The following SGCZ variants were observed in gnomAD, a reference collection of about 807,000 sequenced individuals.
The protein encoded by SGCZ is sarcoglycan zeta, also known as zeta-sarcoglycan.
Under a neutral mutation model 41.3 loss-of-function variants are expected in SGCZ, and 40 were observed. The ratio of observed to expected loss-of-function variants is 0.97; its 90% CI spans 0.75 to 1.26. The LOEUF is 1.26. Among genes scored for constraint, SGCZ ranks in the 50% most tolerant of loss-of-function variants. SGCZ has a pLI of 0.00. For synonymous variants in SGCZ, 206 were observed against 137.5 expected, an observed-to-expected ratio of 1.50 and a Z score of -3.49; for missense variants, 552 against 369.8, an observed-to-expected ratio of 1.49 and a Z score of -4.04.
Position 14,927,528 on chromosome 8 carries a change from G to C in SGCZ, c.39+310057C>G, listed in dbSNP as rs117084191. On this transcript the variant is annotated intron_variant, in intron 1 of 7. Transcript: ENST00000382080. ...GGTAGAGAAATAAGAAGAAGAGCAAGAAGAAGGAAGAGGAAGAAAGAAGAG... is the reference window on the plus strand; with the variant it reads ...GGTAGAGAAATAAGAAGAAGAGCAACAAGAAGGAAGAGGAAGAAAGAAGAG... 1.2e-3 allele frequency among the ~76,000 whole-genome samples: 173 copies of C among 138,446 alleles called. 3 individuals carry two copies. In the East Asian group the frequency reaches 0.031, roughly 25 times the overall value. 90.8% of individuals were successfully genotyped at this position (138,446 alleles called of 152,430 possible). A position where few individuals can be genotyped will look rare whatever the true frequency, so the allele number is the denominator to read the frequency against.
At chr8:14,440,444 T>C (rs908696699) in intron 2 of SGCZ, among the ~76,000 whole-genome samples, 1 of 152,146 alleles carries the variant, frequency 6.6e-6, no homozygotes, top group Non-Finnish European at 1.5e-5. Flanking sequence ...CCTGGGTTTG[T>C]TGGCCAGAAC....
chr8:14,940,750 T>C (rs1283792574), intron 1 of SGCZ, among the ~76,000 whole-genome samples: 1 of 151,744 alleles, frequency 6.6e-6, no homozygotes, highest in Non-Finnish European at 1.5e-5. Context: ...GAAGTGTGTA[T>C]GTGTGTGTGT....
rs116210185 is a variant in SGCZ at position 14,619,106 on chromosome 8, G to T, written c.40-64180C>A. The stretch of plus-strand genomic sequence containing the variant: ...TACCTGACACTGAGTAATTTATAAA[G>T]AAATCCCTGGGATGCAAGGCTGGTT... On this transcript the variant is annotated intron_variant, in intron 1 of 7. Transcript: ENST00000382080. Among the ~76,000 whole-genome samples the T allele has an allele frequency of 8.9e-3, 1,348 of 151,962 alleles. 20 individuals carry two copies. Among genetic ancestry groups the T allele is most frequent in the African/African-American group, 0.031 (1,274 of 41,494 alleles).
At chr8:14,525,633 CAT>C (rs1473311347) in intron 2 of SGCZ, among the ~76,000 whole-genome samples, 15 of 152,066 alleles carry the variant, frequency 9.9e-5, no homozygotes, top group African/African-American at 3.1e-4. Context: ...GACCTAGTCA[CAT>C]CAAATAAAAG....
At chr8:14,618,366 A>G (rs975941306) in intron 1 of SGCZ, among the ~76,000 whole-genome samples, 2 of 152,184 alleles carry the variant, frequency 1.3e-5, no homozygotes, top group Non-Finnish European at 2.9e-5. Context: ...GAACGGAATT[A>G]GAACTGGGAC....
At chr8:15,020,963 T>C (rs1247290915) in intron 1 of SGCZ, among the ~76,000 whole-genome samples, 1 of 152,210 alleles carries the variant, frequency 6.6e-6, no homozygotes, top group African/African-American at 2.4e-5. Context: ...AAATGCTTGG[T>C]CTCTTGAAAT....
In SGCZ at chr8:14,237,225, T is replaced by C. The variant is rs184789332; in HGVS notation, c.424+367A>G. On this transcript the variant is annotated intron_variant, in intron 4 of 7. Coordinates refer to ENST00000382080, the MANE Select transcript of SGCZ (RefSeq NM_139167.4). ...CCAGCAAAATAAATGTAATTCAATCTCAAAATAATACATTGGCAAGAGTAA... is the reference window on the plus strand; with the variant it reads ...CCAGCAAAATAAATGTAATTCAATCCCAAAATAATACATTGGCAAGAGTAA... Among the ~76,000 whole-genome samples, 3 of 152,198 alleles carry C rather than the reference T, an allele frequency of 2.0e-5. No homozygotes were observed. In the East Asian group the frequency reaches 5.8e-4, roughly 29 times the overall value.
At chr8:14,542,581 C>G (rs1803503133) in intron 2 of SGCZ, among the ~76,000 whole-genome samples, 1 of 152,080 alleles carries the variant, frequency 6.6e-6, no homozygotes, top group African/African-American at 2.4e-5. Context: ...TACACAGATT[C>G]TATTTCCTAT....
In SGCZ at chr8:14,496,232, AT is replaced by A. The variant is rs575773391; in HGVS notation, c.234+58499del. ...AGGTGCACAACATCATGCCTGGCTA[AT>A]TTTTAAATTTTTTTTTGGAGAGACA... is the stretch of plus-strand genomic sequence containing the variant. On this transcript the variant is annotated intron_variant, in intron 2 of 7. Transcript: ENST00000382080. Among the ~76,000 whole-genome samples, 47 of 114,392 alleles carry A rather than the reference AT, an allele frequency of 4.1e-4. 1 individual carries two copies. In the South Asian group the frequency reaches 0.012, roughly 30 times the overall value. 75.0% of individuals were successfully genotyped at this position (114,392 alleles called of 152,430 possible).
chr8:14,407,768 C>T (rs1799251193), intron 2 of SGCZ, among the ~76,000 whole-genome samples: 1 of 151,942 alleles, frequency 6.6e-6, no homozygotes. Context: ...GCATTTTTTC[C>T]TATGCATGTA....
intron 1 of SGCZ, among the ~76,000 whole-genome samples, chr8:15,030,100 G>A (rs956533096): frequency 6.6e-6 from 1 of 152,128 alleles, no homozygotes; most frequent in African/African-American, 2.4e-5. Flanking sequence ...AATAATTACA[G>A]AATATAGTGG....
intron 1 of SGCZ, among the ~76,000 whole-genome samples, chr8:15,005,832 T>C (rs944892990): frequency 6.6e-6 from 1 of 152,244 alleles, no homozygotes; most frequent in Non-Finnish European, 1.5e-5. Context: ...TCTGACCTTA[T>C]AAGGTTTGAC....
chr8:14,745,916 T>TA (rs1799328452), intron 1 of SGCZ, among the ~76,000 whole-genome samples: 1 of 152,108 alleles, frequency 6.6e-6, no homozygotes, highest in African/African-American at 2.4e-5. Context: ...GATTTTTTTT[T>TA]AAAAGACTTA....
chr8:15,205,594 T>G (rs1483172762), intron 1 of SGCZ, among the ~76,000 whole-genome samples: 1 of 151,156 alleles, frequency 6.6e-6, no homozygotes, highest in Non-Finnish European at 1.5e-5. Context: ...TAATAAAAAG[T>G]CAAAAAATAA....
chr8:14,440,220 T>G (rs946679870), intron 2 of SGCZ, among the ~76,000 whole-genome samples: 1 of 152,092 alleles, frequency 6.6e-6, no homozygotes, highest in African/African-American at 2.4e-5. Context: ...AGATATATGA[T>G]ATTTTTCTAT....
chr8:14,541,026 G>A (rs1214445709), intron 2 of SGCZ, among the ~76,000 whole-genome samples: 2 of 150,326 alleles, frequency 1.3e-5, no homozygotes, highest in East Asian at 3.9e-4. Flanking sequence ...ACATATATAT[G>A]TATATATGTA....
At chr8:14,885,608 T>A (rs1282464935) in intron 1 of SGCZ, among the ~76,000 whole-genome samples, 1 of 152,064 alleles carries the variant, frequency 6.6e-6, no homozygotes, top group Non-Finnish European at 1.5e-5. Context: ...CTTGCTCTCT[T>A]AACTGACATC....
chr8:14,274,720 T>C (rs1375736239), intron 3 of SGCZ, among the ~76,000 whole-genome samples: 4 of 151,356 alleles, frequency 2.6e-5, no homozygotes, highest in Admixed American at 1.3e-4. Flanking sequence ...TTTCCACATA[T>C]AATTTTTTTC....
At chr8:15,104,462 C>G (rs548550404) in intron 1 of SGCZ, among the ~76,000 whole-genome samples, 1 of 152,126 alleles carries the variant, frequency 6.6e-6, no homozygotes, top group Non-Finnish European at 1.5e-5. Flanking sequence ...TTTAAAAAAA[C>G]TAAAGTAATA....
Sources: gnomAD v4.1 joint callset for allele counts (sites outside exome capture counted in the v4.1 genomes callset) on GRCh38, gnomAD v4.1.1 for gene constraint, MANE v1.5 for transcripts, NCBI Gene and HGNC (gene_info 2026-07-23, HGNC 2026-07-21) for gene names.